The following LINGO2 variants were observed in gnomAD, a reference collection of about 807,000 sequenced individuals.
The protein encoded by LINGO2 is leucine-rich repeat and immunoglobulin-like domain-containing nogo receptor-interacting protein 2.
In LINGO2, 14 loss-of-function variants were observed where a neutral mutation model predicts 30.6. That is an observed-to-expected ratio of 0.46 (90% confidence interval 0.30 to 0.72). The LOEUF (loss-of-function observed/expected upper bound fraction) is 0.72, where lower values mean the gene tolerates loss of function less well. Ranked by LOEUF, LINGO2 falls within the 30% of genes least tolerant of loss-of-function variation. The probability of loss-of-function intolerance (pLI) is 0.07; values close to 1 mark genes in which losing one functional copy is unlikely to be tolerated. For missense variants in LINGO2, 729 were observed against 751.7 expected (o/e 0.97, Z 0.35); for synonymous variants, 317 against 288.5 (o/e 1.10, Z -1.00).
chr9:28,251,419 G>C (rs1265434119), intron 4 of LINGO2, among the ~76,000 whole-genome samples: 1 of 152,132 alleles, frequency 6.6e-6, no homozygotes, highest in African/African-American at 2.4e-5. Flanking sequence ...AGTAAACGTA[G>C]ACTGTCACTC....
the LINGO2 span, among the ~76,000 whole-genome samples, chr9:28,950,281 C>T: frequency 6.6e-6 from 1 of 152,258 alleles, no homozygotes; most frequent in South Asian, 2.1e-4. Flanking sequence ...AACCCACAGC[C>T]AATATCATAT....
chr9:28,974,700 G>C, the LINGO2 span, among the ~76,000 whole-genome samples: 1 of 152,136 alleles, frequency 6.6e-6, no homozygotes, highest in East Asian at 1.9e-4. Context: ...GAATTTCATA[G>C]TAACACCAAT....
At chr9:28,685,799 G>A in the LINGO2 span, among the ~76,000 whole-genome samples, 1 of 152,124 alleles carries the variant, frequency 6.6e-6, no homozygotes, top group Non-Finnish European at 1.5e-5. Context: ...TATCTTGTGT[G>A]TGTGCAGGTA....
At chr9:28,755,310 A>T in the LINGO2 span, among the ~76,000 whole-genome samples, 1 of 152,112 alleles carries the variant, frequency 6.6e-6, no homozygotes. Flanking sequence ...CAGAAGAAAC[A>T]AACTGAGCCA....
At chr9:28,435,044 C>G (rs1823868387) in intron 2 of LINGO2, among the ~76,000 whole-genome samples, 1 of 151,858 alleles carries the variant, frequency 6.6e-6, no homozygotes, top group Non-Finnish European at 1.5e-5. Flanking sequence ...CTTTTTTTCT[C>G]TTTAGCAGAG....
chr9:28,350,032 C>T (rs370071502), intron 3 of LINGO2, among the ~76,000 whole-genome samples: 1 of 151,930 alleles, frequency 6.6e-6, no homozygotes, highest in Admixed American at 6.6e-5. Context: ...CCGGTACCAG[C>T]CGCTGCAAAA....
intron 3 of LINGO2, among the ~76,000 whole-genome samples, chr9:28,360,444 G>A (rs1401447203): frequency 6.6e-6 from 1 of 152,122 alleles, no homozygotes; most frequent in Non-Finnish European, 1.5e-5. Context: ...AGCTTAGAAT[G>A]TTTGCACATA....
intron 4 of LINGO2, among the ~76,000 whole-genome samples, chr9:28,281,268 C>A (rs1045285308): frequency 2.6e-5 from 4 of 151,810 alleles, no homozygotes; most frequent in African/African-American, 9.7e-5. Flanking sequence ...GGAATACTGG[C>A]AAAGAAACTA....
chr9:28,967,859 CAG>C, the LINGO2 span, among the ~76,000 whole-genome samples: 2 of 152,142 alleles, frequency 1.3e-5, no homozygotes, highest in African/African-American at 4.8e-5. Flanking sequence ...AGAGAGAAGA[CAG>C]AGAAGATTTA....
the LINGO2 span, among the ~76,000 whole-genome samples, chr9:28,948,598 C>T: frequency 6.6e-6 from 1 of 152,040 alleles, no homozygotes; most frequent in African/African-American, 2.4e-5. Context: ...AATTATACTA[C>T]AATCACATAA....
At chr9:28,989,193 A>T in the LINGO2 span, among the ~76,000 whole-genome samples, 1 of 152,210 alleles carries the variant, frequency 6.6e-6, no homozygotes, top group Non-Finnish European at 1.5e-5. Flanking sequence ...CAGTGGGCTC[A>T]CAATCTAAAT....
exon 6 of LINGO2, chr9:27,949,558 T>C: frequency 6.2e-7 from 1 of 1,613,998 alleles, no homozygotes; most frequent in Non-Finnish European, 8.5e-7. Context: ...AACTGCAGGG[T>C]GGGCTGTCGC....
the LINGO2 span, among the ~76,000 whole-genome samples, chr9:28,785,364 CCTT>C: frequency 5.3e-5 from 8 of 152,118 alleles, no homozygotes; most frequent in African/African-American, 1.4e-4. Flanking sequence ...ATGGCTGAAT[CCTT>C]CTTATCATTG....
chr9:28,646,595 C>G (rs1051789766), intron 1 of LINGO2, among the ~76,000 whole-genome samples: 1 of 151,734 alleles, frequency 6.6e-6, no homozygotes. Context: ...AAAGATTGAT[C>G]CATATGATCT....
chr9:29,211,306 T>C, the LINGO2 span, among the ~76,000 whole-genome samples: 1 of 152,176 alleles, frequency 6.6e-6, no homozygotes, highest in Non-Finnish European at 1.5e-5. Context: ...ATTTATCTAT[T>C]GCTTAGACAC....
intron 4 of LINGO2, among the ~76,000 whole-genome samples, chr9:28,055,957 C>CT (rs1419746847): frequency 6.6e-6 from 1 of 152,128 alleles, no homozygotes; most frequent in Non-Finnish European, 1.5e-5. Flanking sequence ...TCTATCATTA[C>CT]AACAGTTACT....
At chr9:28,837,350 A>C in the LINGO2 span, among the ~76,000 whole-genome samples, 6 of 152,144 alleles carry the variant, frequency 3.9e-5, no homozygotes, top group Middle Eastern at 3.4e-3. Flanking sequence ...AGTAACTATT[A>C]GAAATATTGT....
At chr9:28,310,500 A>T (rs140072849) in intron 3 of LINGO2, among the ~76,000 whole-genome samples, 66 of 152,296 alleles carry the variant, frequency 4.3e-4, no homozygotes, top group Admixed American at 3.9e-3. Flanking sequence ...AGTAGAAAAT[A>T]CAAATTCAAA....
At chr9:27,963,713 G>T (rs1164991324) in intron 5 of LINGO2, among the ~76,000 whole-genome samples, 1 of 150,880 alleles carries the variant, frequency 6.6e-6, no homozygotes, top group Non-Finnish European at 1.5e-5. Flanking sequence ...GAGAAGAATG[G>T]GTGAAGAGTG....
Sources: gnomAD v4.1 joint callset for allele counts (sites outside exome capture counted in the v4.1 genomes callset) on GRCh38, gnomAD v4.1.1 for gene constraint, MANE v1.5 for transcripts, NCBI Gene and HGNC (gene_info 2026-07-23, HGNC 2026-07-21) for gene names.